The following RPGRIP1L variants were observed in gnomAD, a reference collection of about 807,000 sequenced individuals.
The protein encoded by RPGRIP1L is protein fantom.
In RPGRIP1L, 131 loss-of-function variants were observed where a neutral mutation model predicts 160.4. That is an observed-to-expected ratio of 0.82 (90% CI 0.71 to 0.94). The LOEUF (loss-of-function observed/expected upper bound fraction) is 0.94, where lower values mean the gene tolerates loss of function less well. Ranked by LOEUF, RPGRIP1L falls within the 40% of genes least tolerant of loss-of-function variation. The probability of loss-of-function intolerance (pLI) is 0.00; values close to 1 mark genes in which losing one functional copy is unlikely to be tolerated. For synonymous variants in RPGRIP1L, 510 were observed against 515.8 expected (o/e 0.99, Z 0.15); for missense variants, 1,522 against 1,535.8 (o/e 0.99, Z 0.15).
intron 6 of RPGRIP1L, among the ~76,000 whole-genome samples, chr16:53,675,979 T>C (rs181019209): frequency 3.9e-5 from 6 of 152,156 alleles, no homozygotes; most frequent in Non-Finnish European, 7.4e-5. Flanking sequence ...CAGAGTTCAC[T>C]TTTAGGAAAA....
chr16:53,658,322 T>C, intron 12 of RPGRIP1L, 92 bp downstream of exon 12: 1 of 924,554 alleles, frequency 1.1e-6, no homozygotes, highest in Non-Finnish European at 1.8e-6. Context: ...AATAATTCAT[T>C]CTCCAAATGT....
At chr16:53,639,446 A>T (rs1966066086) in intron 19 of RPGRIP1L, among the ~76,000 whole-genome samples, 1 of 152,118 alleles carries the variant, frequency 6.6e-6, no homozygotes, top group Non-Finnish European at 1.5e-5. Flanking sequence ...AGAAAAACAT[A>T]ATTTTAAATG....
chr16:53,656,962 C>A (rs549251270), intron 13 of RPGRIP1L, among the ~76,000 whole-genome samples: 1 of 152,188 alleles, frequency 6.6e-6, no homozygotes, highest in South Asian at 2.1e-4. Context: ...TTATTTGTGG[C>A]AGGGCATGGT....
intron 6 of RPGRIP1L, among the ~76,000 whole-genome samples, chr16:53,678,787 C>T (rs1969393640): frequency 6.6e-6 from 1 of 152,060 alleles, no homozygotes; most frequent in Non-Finnish European, 1.5e-5. Flanking sequence ...AAATTTGGGG[C>T]ATAAGGTTGA....
chr16:53,665,985 T>C (rs1968217190), intron 9 of RPGRIP1L, among the ~76,000 whole-genome samples: 3 of 152,166 alleles, frequency 2.0e-5, no homozygotes, highest in African/African-American at 4.8e-5. Flanking sequence ...TCTATGAAGC[T>C]TGATATGACT....
chr16:53,694,106 T>C (rs1286271636), intron 3 of RPGRIP1L: 1 of 152,194 alleles, frequency 6.6e-6, no homozygotes, highest in Non-Finnish European at 1.5e-5. Context: ...TAATGAATCA[T>C]ACGTGATCTG....
At chr16:53,644,354 T>C (rs1340849398) in intron 17 of RPGRIP1L, among the ~76,000 whole-genome samples, 1 of 151,242 alleles carries the variant, frequency 6.6e-6, no homozygotes, top group Non-Finnish European at 1.5e-5. Context: ...CCATCAAACA[T>C]ACCAGCATAT....
chr16:53,681,568 G>C (rs1969609523), intron 6 of RPGRIP1L, among the ~76,000 whole-genome samples: 1 of 151,958 alleles, frequency 6.6e-6, no homozygotes, highest in South Asian at 2.1e-4. Context: ...TTGCTAATGA[G>C]GCATTATGTA....
intron 22 of RPGRIP1L, among the ~76,000 whole-genome samples, chr16:53,630,816 C>T (rs1965471859): frequency 6.6e-6 from 1 of 152,082 alleles, no homozygotes; most frequent in Admixed American, 6.5e-5. Context: ...CTCACTGCAA[C>T]CTCTGCCTCC....
intron 1 of RPGRIP1L, chr16:53,701,791 C>T (rs1408338942): frequency 6.6e-6 from 1 of 151,840 alleles, no homozygotes; most frequent in Non-Finnish European, 1.5e-5. Flanking sequence ...GTTTCAGGGT[C>T]TGTGAACCCA....
intron 5 of RPGRIP1L, among the ~76,000 whole-genome samples, chr16:53,687,622 G>A (rs2151323921): frequency 6.6e-6 from 1 of 152,132 alleles, no homozygotes; most frequent in South Asian, 2.1e-4. Context: ...CCATTCCTCT[G>A]AGGGTCAAAT....
chr16:53,659,232 A>C, intron 10 of RPGRIP1L: 1 of 953,338 alleles, frequency 1.0e-6, no homozygotes, highest in Non-Finnish European at 1.3e-6. Context: ...GGCTCCTGAA[A>C]AGCATGTGGA....
chr16:53,656,394 A>C (rs561268031), intron 14 of RPGRIP1L, 78 bp downstream of exon 14: 60 of 946,144 alleles, frequency 6.3e-5, no homozygotes, highest in Non-Finnish European at 9.5e-5. Flanking sequence ...CTGTAAGTGC[A>C]GATTTGGATG....
intron 6 of RPGRIP1L, among the ~76,000 whole-genome samples, chr16:53,685,312 C>T (rs1196292636): frequency 6.6e-6 from 1 of 152,148 alleles, no homozygotes; most frequent in African/African-American, 2.4e-5. Flanking sequence ...CCGCAAAGAC[C>T]TACAGGCAGA....
intron 22 of RPGRIP1L, among the ~76,000 whole-genome samples, chr16:53,623,248 T>C (rs1964857881): frequency 6.6e-6 from 1 of 152,154 alleles, no homozygotes; most frequent in African/African-American, 2.4e-5. Context: ...GGAACTGACG[T>C]AAGAGATTTG....
intron 24 of RPGRIP1L, among the ~76,000 whole-genome samples, chr16:53,611,971 C>T (rs1964076525): frequency 6.6e-6 from 1 of 152,210 alleles, no homozygotes; most frequent in Non-Finnish European, 1.5e-5. Context: ...GTTCTAAAGC[C>T]AGTTCTCCTT....
Position 53,680,765 on chromosome 16 carries a change from AC to A in RPGRIP1L, c.777-5644del, listed in dbSNP as rs111603694. The stretch of plus-strand genomic sequence containing the variant: ...GTACAGAGGGTGAAGTGATGTATGC[AC>A]CTAATGGGAGTAAGGAAGGGAGAGA... On this transcript the variant is annotated intron_variant, in intron 6 of 26. Transcript: ENST00000647211. 1.4e-4 allele frequency among the ~76,000 whole-genome samples: 22 copies of A among 152,106 alleles called. 1 individual carries two copies. The highest frequency in any genetic ancestry group is 5.2e-4 in the Admixed American group (8 of 15,256).
intron 22 of RPGRIP1L, among the ~76,000 whole-genome samples, chr16:53,629,570 A>C (rs1965386289): frequency 6.6e-6 from 1 of 152,230 alleles, no homozygotes; most frequent in African/African-American, 2.4e-5. Flanking sequence ...ATTCATGTTA[A>C]ACAGTTCTTT....
intron 1 of RPGRIP1L, among the ~76,000 whole-genome samples, chr16:53,701,110 ACTCT>A (rs1971358650): frequency 6.6e-6 from 1 of 152,070 alleles, no homozygotes. Flanking sequence ...AGCCACCTAA[ACTCT>A]CTGAGTTTCA....
Sources: gnomAD v4.1 joint callset for allele counts (sites outside exome capture counted in the v4.1 genomes callset) on GRCh38, gnomAD v4.1.1 for gene constraint, MANE v1.5 for transcripts, NCBI Gene and HGNC (gene_info 2026-07-23, HGNC 2026-07-21) for gene names.